NRG3: variants seen among roughly 807,000 people sequenced by gnomAD.
NRG3 encodes pro-neuregulin-3, membrane-bound isoform.
A neutral mutation model predicts 66.9 loss-of-function variants in NRG3; 31 were observed. The observed-to-expected ratio is 0.46, with a 90% CI of 0.35 to 0.63. The LOEUF (loss-of-function observed/expected upper bound fraction) is 0.63, where lower values mean the gene tolerates loss of function less well. NRG3 is among the 20% of genes least tolerant of loss of function. NRG3 has a pLI of 0.00. For missense variants in NRG3, 910 were observed against 878.9 expected (o/e 1.04, Z -0.45); for synonymous variants, 393 against 359.4 (o/e 1.09, Z -1.06).
chr10:82,710,008 C>T (rs752503325), intron 2 of NRG3, among the ~76,000 whole-genome samples: 1 of 152,204 alleles, frequency 6.6e-6, no homozygotes, highest in Admixed American at 6.5e-5. Flanking sequence ...AGTCCATTCA[C>T]TTTTATTGCA....
chr10:82,697,586 G>C (rs1346826382), intron 2 of NRG3, among the ~76,000 whole-genome samples: 1 of 152,278 alleles, frequency 6.6e-6, no homozygotes, highest in African/African-American at 2.4e-5. Flanking sequence ...AAAATATTCA[G>C]AGTCTGGATG....
At chr10:82,864,016 T>A (rs2135938839) in intron 3 of NRG3, among the ~76,000 whole-genome samples, 1 of 152,288 alleles carries the variant, frequency 6.6e-6, no homozygotes, top group South Asian at 2.1e-4. Flanking sequence ...CATCTTTCTT[T>A]ATGTAATTAA....
At chr10:82,472,650 T>G (rs1841377398) in intron 2 of NRG3, among the ~76,000 whole-genome samples, 1 of 152,224 alleles carries the variant, frequency 6.6e-6, no homozygotes, top group South Asian at 2.1e-4. Context: ...TTTAAAGTCT[T>G]TCTTCAGAAG....
At chr10:82,976,333 G>T (rs977040970) in intron 7 of NRG3, among the ~76,000 whole-genome samples, 4 of 152,174 alleles carry the variant, frequency 2.6e-5, no homozygotes, top group South Asian at 2.1e-4. Flanking sequence ...TGGGATTACA[G>T]GTGTGAGCCA....
intron 2 of NRG3, among the ~76,000 whole-genome samples, chr10:82,385,809 G>T (rs891363439): frequency 2.0e-5 from 3 of 151,988 alleles, no homozygotes; most frequent in Admixed American, 1.3e-4. Context: ...ATTGTAAAGG[G>T]GCAAGAGGTA....
At chr10:82,028,297 CA>C (rs1325607461) in intron 1 of NRG3, among the ~76,000 whole-genome samples, 2 of 152,006 alleles carry the variant, frequency 1.3e-5, no homozygotes, top group Non-Finnish European at 2.9e-5. Flanking sequence ...CAAAACAAAA[CA>C]AAAACCCCCA....
intron 2 of NRG3, among the ~76,000 whole-genome samples, chr10:82,378,948 A>G (rs2085437064): frequency 6.6e-6 from 1 of 152,118 alleles, no homozygotes; most frequent in Non-Finnish European, 1.5e-5. Flanking sequence ...GGCTCAGACT[A>G]TAAGGATAAG....
intron 2 of NRG3, among the ~76,000 whole-genome samples, chr10:82,394,319 G>T (rs2086580823): frequency 6.6e-6 from 1 of 152,198 alleles, no homozygotes; most frequent in Admixed American, 6.5e-5. Flanking sequence ...CTTGAGATGT[G>T]CCCAGCCTCC....
At chr10:81,952,948 C>T (rs1849512968) in intron 1 of NRG3, among the ~76,000 whole-genome samples, 1 of 151,228 alleles carries the variant, frequency 6.6e-6, no homozygotes, top group Non-Finnish European at 1.5e-5. Flanking sequence ...TTCTGGCTGG[C>T]CAGGCTAATG....
At chr10:82,622,671 C>T (rs1175604609) in intron 2 of NRG3, among the ~76,000 whole-genome samples, 1 of 152,142 alleles carries the variant, frequency 6.6e-6, no homozygotes, top group Non-Finnish European at 1.5e-5. Flanking sequence ...AAGCAGTGAG[C>T]CACAGCTCCC....
chr10:82,048,663 G>A (rs965534593), intron 1 of NRG3, among the ~76,000 whole-genome samples: 1 of 151,520 alleles, frequency 6.6e-6, no homozygotes, highest in Non-Finnish European at 1.5e-5. Context: ...ATCCAAAACT[G>A]ACACCCTAAC....
chr10:81,876,123 TACC>T lies in NRG3; in HGVS notation c.792_794del (p.Thr265del), dbSNP rs762244890. 13 of 1,605,502 alleles carry T rather than the reference TACC, an allele frequency of 8.1e-6. No individual in the cohort carries two copies. Among genetic ancestry groups the T allele is most frequent in the African/African-American group, 1.3e-5 (1 of 74,666 alleles). On this transcript the variant is annotated inframe_deletion, in exon 1 of 9. Transcript: ENST00000372141. ...CTTCTTCCTCTTCTTCCTCCTCCGC[TACC>T]ACCACCACACCAGAAACTAGCACCA... is the stretch of plus-strand genomic sequence containing the variant.
chr10:82,082,173 C>A (rs1315564663), intron 1 of NRG3, among the ~76,000 whole-genome samples: 2 of 152,084 alleles, frequency 1.3e-5, no homozygotes, highest in Non-Finnish European at 2.9e-5. Flanking sequence ...GCTTGATTTG[C>A]TTTCCTCTTT....
At chr10:81,919,759 A>G (rs2132854701) in intron 1 of NRG3, among the ~76,000 whole-genome samples, 1 of 152,186 alleles carries the variant, frequency 6.6e-6, no homozygotes, top group East Asian at 1.9e-4. Context: ...ACTCGACAAA[A>G]TGAGACACCC....
At chr10:81,882,945 A>G (rs1216397794) in intron 1 of NRG3, among the ~76,000 whole-genome samples, 2 of 152,200 alleles carry the variant, frequency 1.3e-5, no homozygotes, top group Non-Finnish European at 2.9e-5. Context: ...TATTTCCAGC[A>G]TATGTTTATC....
intron 2 of NRG3, among the ~76,000 whole-genome samples, chr10:82,635,832 G>A (rs1025761245): frequency 3.3e-5 from 5 of 152,130 alleles, no homozygotes; most frequent in Admixed American, 3.3e-4. Context: ...TGGGCAGGGA[G>A]GCTGCAGTGG....
chr10:82,198,114 C>T (rs2074543002), intron 1 of NRG3, among the ~76,000 whole-genome samples: 2 of 152,128 alleles, frequency 1.3e-5, no homozygotes, highest in South Asian at 4.1e-4. Flanking sequence ...AAAGCCCCTG[C>T]TTCTAATACA....
intron 1 of NRG3, among the ~76,000 whole-genome samples, chr10:81,897,717 G>C (rs996577681): frequency 6.6e-6 from 1 of 152,114 alleles, no homozygotes. Context: ...GTGTGGAAGG[G>C]AGGGAATAGA....
intron 3 of NRG3, among the ~76,000 whole-genome samples, chr10:82,756,734 C>T (rs116613068): frequency 4.0e-5 from 6 of 151,636 alleles, no homozygotes; most frequent in African/African-American, 1.4e-4. Flanking sequence ...AACAGTGAAA[C>T]AAACTGGACC....
Sources: allele counts gnomAD v4.1 joint callset (sites outside exome capture counted in the v4.1 genomes callset), GRCh38; gene constraint gnomAD v4.1.1; transcripts MANE v1.5; gene names NCBI Gene and HGNC (gene_info 2026-07-23, HGNC 2026-07-21).